The following CTNND2 variants were observed in gnomAD, a reference collection of about 807,000 sequenced individuals.
CTNND2 encodes catenin delta 2.
In CTNND2, 22 loss-of-function variants were observed where a neutral mutation model predicts 144.4. That is an observed-to-expected ratio of 0.15 (90% CI 0.11 to 0.22). The LOEUF (loss-of-function observed/expected upper bound fraction) is 0.22. Ranked by LOEUF, CTNND2 falls within the 10% of genes least tolerant of loss-of-function variation. CTNND2 has a pLI of 1.00. For synonymous variants in CTNND2, 751 were observed against 695.6 expected, an observed-to-expected ratio of 1.08 and a Z score of -1.25; for missense variants, 1,353 against 1,618.8, an observed-to-expected ratio of 0.84 and a Z score of 2.82.
At chr5:11,390,621 C>T (rs1759546487) in intron 6 of CTNND2, among the ~76,000 whole-genome samples, 1 of 152,196 alleles carries the variant, frequency 6.6e-6, no homozygotes, top group Non-Finnish European at 1.5e-5. Context: ...GCATTTAGAC[C>T]TGCCAAGTTT....
chr5:11,188,622 T>G, intron 11 of CTNND2, among the ~76,000 whole-genome samples: 1 of 152,112 alleles, frequency 6.6e-6, no homozygotes, highest in East Asian at 1.9e-4. Flanking sequence ...ATAAATAAAA[T>G]TTAAAAATTA....
At chr5:11,454,865 G>A (rs1424642659) in intron 3 of CTNND2, among the ~76,000 whole-genome samples, 1 of 151,088 alleles carries the variant, frequency 6.6e-6, no homozygotes, top group East Asian at 1.9e-4. Flanking sequence ...GCCTCCCAAA[G>A]TGCTAGGATT....
At chr5:11,034,522 G>A (rs901743828) in intron 16 of CTNND2, among the ~76,000 whole-genome samples, 2 of 152,174 alleles carry the variant, frequency 1.3e-5, no homozygotes, top group African/African-American at 4.8e-5. Context: ...ATCTGCAAAT[G>A]TACAAATGTC....
intron 3 of CTNND2, among the ~76,000 whole-genome samples, chr5:11,458,476 T>G (rs1561424091): frequency 6.6e-6 from 1 of 152,210 alleles, no homozygotes; most frequent in Non-Finnish European, 1.5e-5. Context: ...GCCTCATGGC[T>G]GGGCAACTTT....
At chr5:11,733,312 T>C (rs1787499471) in intron 1 of CTNND2, among the ~76,000 whole-genome samples, 1 of 151,996 alleles carries the variant, frequency 6.6e-6, no homozygotes, top group Non-Finnish European at 1.5e-5. Context: ...TGAGAGTGGA[T>C]AGTGTAGTAG....
In CTNND2 at chr5:11,396,243, C is replaced by G. The variant is rs542657756; in HGVS notation, c.612+788G>C. 4.6e-5 allele frequency among the ~76,000 whole-genome samples: 7 copies of G among 152,248 alleles called. No individual in the cohort carries two copies. In the South Asian group the frequency reaches 1.4e-3, roughly 32 times the overall value. The stretch of plus-strand genomic sequence containing the variant: ...TGCTGAAAATAAGCTTAAAACAAGA[C>G]AGCCTTCCAATAAATTAACTCTGGC... On this transcript the variant is annotated intron_variant, in intron 6 of 21. Transcript: ENST00000304623.
intron 2 of CTNND2, among the ~76,000 whole-genome samples, chr5:11,650,742 G>A (rs543653333): frequency 6.6e-6 from 1 of 152,298 alleles, no homozygotes; most frequent in East Asian, 1.9e-4. Context: ...GCCCTAAAGA[G>A]CTGCAGAACT....
At chr5:11,678,959 A>G (rs956624739) in intron 2 of CTNND2, among the ~76,000 whole-genome samples, 1 of 151,858 alleles carries the variant, frequency 6.6e-6, no homozygotes, top group African/African-American at 2.4e-5. Context: ...AGATATACTT[A>G]TTCTACATGG....
chr5:11,274,429 C>T (rs368084546), intron 9 of CTNND2, among the ~76,000 whole-genome samples: 13 of 152,008 alleles, frequency 8.6e-5, no homozygotes, highest in East Asian at 5.8e-4. Flanking sequence ...CACATGAACA[C>T]AGAATGGTAA....
chr5:11,565,868 C>A (rs1444076559), intron 2 of CTNND2, among the ~76,000 whole-genome samples: 1 of 152,066 alleles, frequency 6.6e-6, no homozygotes, highest in Non-Finnish European at 1.5e-5. Context: ...ATAACCAGAG[C>A]AAATCATGTA....
chr5:11,091,908 G>A (rs1400167395), intron 15 of CTNND2, among the ~76,000 whole-genome samples: 1 of 152,098 alleles, frequency 6.6e-6, no homozygotes, highest in East Asian at 1.9e-4. Flanking sequence ...ATATTTAAGG[G>A]GAGTCCTCTG....
intron 2 of CTNND2, among the ~76,000 whole-genome samples, chr5:11,565,724 C>T (rs1777038174): frequency 6.6e-6 from 1 of 152,118 alleles, no homozygotes; most frequent in Non-Finnish European, 1.5e-5. Context: ...GCCTCAAATC[C>T]ACTGTTGAAA....
At chr5:11,140,778 G>A (rs1279471953) in intron 12 of CTNND2, among the ~76,000 whole-genome samples, 2 of 152,074 alleles carry the variant, frequency 1.3e-5, no homozygotes, top group African/African-American at 2.4e-5. Context: ...TAGTATTGGA[G>A]AGAAAATGTA....
chr5:11,038,759 T>G (rs1490528637), intron 16 of CTNND2, among the ~76,000 whole-genome samples: 1 of 152,166 alleles, frequency 6.6e-6, no homozygotes, highest in African/African-American at 2.4e-5. Context: ...CCCTCAAGAT[T>G]TAACATCATA....
chr5:11,695,555 T>A (rs1785104118), intron 2 of CTNND2, among the ~76,000 whole-genome samples: 1 of 152,248 alleles, frequency 6.6e-6, no homozygotes, highest in Non-Finnish European at 1.5e-5. Context: ...TATTTGTGTA[T>A]TAAAATAATG....
At chr5:10,985,124 G>A (rs1561122407) in intron 20 of CTNND2, among the ~76,000 whole-genome samples, 1 of 150,744 alleles carries the variant, frequency 6.6e-6, no homozygotes, top group Non-Finnish European at 1.5e-5. Context: ...ATAAATAAAT[G>A]GCATAAGAAA....
At chr5:11,759,924 G>A (rs940661724) in intron 1 of CTNND2, among the ~76,000 whole-genome samples, 2 of 151,782 alleles carry the variant, frequency 1.3e-5, no homozygotes, top group African/African-American at 4.8e-5. Flanking sequence ...TCACTACACT[G>A]TGCTGTTAAT....
intron 18 of CTNND2, among the ~76,000 whole-genome samples, chr5:11,014,732 T>G (rs953602635): frequency 6.6e-6 from 1 of 152,200 alleles, no homozygotes; most frequent in African/African-American, 2.4e-5. Context: ...GTAGGTGAGC[T>G]AATGAAATGA....
At position 11,387,241 on chromosome 5, in the gene CTNND2, T is replaced by TAAA. The variant is rs33928349; in HGVS notation, c.613-2015_613-2013dup. On this transcript the variant is annotated intron_variant, in intron 6 of 21. Coordinates refer to ENST00000304623, the MANE Select transcript of CTNND2 (RefSeq NM_001332.4). Reference sequence around the variant, plus strand: ...AGGTCCCTGATGGTCTTTTCAGCATTAAAAAAAAAAAAATTCTAGAGGAAT... The same window carrying TAAA: ...AGGTCCCTGATGGTCTTTTCAGCATTAAAAAAAAAAAAAAAATTCTAGAGGAAT... Among the ~76,000 whole-genome samples the TAAA allele has an allele frequency of 2.8e-3, 406 of 146,484 alleles. 1 individual carries two copies. Among genetic ancestry groups the TAAA allele is most frequent in the Middle Eastern group, 0.024 (7 of 290 alleles).
Sources: allele counts gnomAD v4.1 joint callset (sites outside exome capture counted in the v4.1 genomes callset), GRCh38; gene constraint gnomAD v4.1.1; transcripts MANE v1.5; gene names NCBI Gene and HGNC (gene_info 2026-07-23, HGNC 2026-07-21).